The following HBS1L variants were observed in gnomAD, a reference collection of about 807,000 sequenced individuals.
HBS1L encodes the protein HBS1-like protein.
Under a neutral mutation model 88.9 loss-of-function variants are expected in HBS1L, and 55 were observed. The observed-to-expected ratio is 0.62, with a 90% CI of 0.50 to 0.77. The LOEUF (loss-of-function observed/expected upper bound fraction) is 0.77, where lower values mean the gene tolerates loss of function less well. Ranked by LOEUF, HBS1L falls within the 30% of genes least tolerant of loss-of-function variation. The pLI is 0.00. For synonymous variants in HBS1L, 267 were observed against 288.5 expected, an observed-to-expected ratio of 0.93 and a Z score of 0.76; for missense variants, 741 against 829.3, an observed-to-expected ratio of 0.89 and a Z score of 1.31.
At chr6:135,033,571 T>A (rs1420329692) in intron 4 of HBS1L, among the ~76,000 whole-genome samples, 1 of 152,184 alleles carries the variant, frequency 6.6e-6, no homozygotes, top group African/African-American at 2.4e-5. Flanking sequence ...TTTAAGGTAT[T>A]GTTGCCTTCT....
chr6:134,987,515 A>G, intron 9 of HBS1L, 130 bp downstream of exon 9: 1 of 568,676 alleles, frequency 1.8e-6, no homozygotes. Flanking sequence ...AGATGAGAAC[A>G]GAGAATTTAT....
intron 7 of HBS1L, among the ~76,000 whole-genome samples, chr6:134,995,848 C>G (rs1775274352): frequency 6.6e-6 from 1 of 151,934 alleles, no homozygotes; most frequent in East Asian, 1.9e-4. Flanking sequence ...AAAGAGAAAC[C>G]ATTATGATAC....
chr6:134,994,294 G>C (rs139624826), intron 7 of HBS1L, among the ~76,000 whole-genome samples: 3 of 151,938 alleles, frequency 2.0e-5, no homozygotes, highest in Admixed American at 6.6e-5. Context: ...TTATAGAAAT[G>C]AGCTTATAAA....
chr6:134,978,871 A>C, intron 14 of HBS1L, 84 bp from the exon 15 acceptor site: 1 of 813,716 alleles, frequency 1.2e-6, no homozygotes, highest in Non-Finnish European at 2.0e-6. Flanking sequence ...ATTTACAAGG[A>C]AAGTAAAACA....
chr6:135,025,978 C>T (rs759335312), intron 4 of HBS1L, among the ~76,000 whole-genome samples: 7 of 152,104 alleles, frequency 4.6e-5, no homozygotes, highest in African/African-American at 1.4e-4. Context: ...GTGGCAGAAT[C>T]GAGGTAGCTA....
At chr6:135,046,462 TAAAGTTTTATA>T (rs1776915989) in intron 2 of HBS1L, among the ~76,000 whole-genome samples, 2 of 152,170 alleles carry the variant, frequency 1.3e-5, no homozygotes, top group African/African-American at 4.8e-5. Context: ...ACCATTCAAA[TAAAGTTTTATA>T]TGCAAACTCC....
intron 15 of HBS1L, among the ~76,000 whole-genome samples, chr6:134,970,799 A>G (rs147244543): frequency 3.9e-5 from 6 of 152,198 alleles, no homozygotes; most frequent in African/African-American, 1.4e-4. Flanking sequence ...GATACACCCT[A>G]ATCCAAACCA....
At position 134,961,136 on chromosome 6, in the gene HBS1L, T is replaced by C. The variant is rs533684561; in HGVS notation, c.*4143A>G. ...CATTGATATGAATAGTTTCACTAAT[T>C]CCATTCATGGTTACTGTAAACATTC... On this transcript the variant is annotated 3_prime_UTR_variant, in exon 18 of 18. Coordinates refer to ENST00000367837, the MANE Select transcript of HBS1L (RefSeq NM_006620.4). 1.4e-5 allele frequency: 2 copies of C among 147,714 alleles called. No individual in the cohort carries two copies. Among genetic ancestry groups the C allele is most frequent in the South Asian group, 4.4e-4 (2 of 4,536 alleles). The allele number at this position is 147,714 out of a possible 1,614,324, so 9.2% of individuals were successfully genotyped here.
At chr6:134,995,865 T>C (rs1208700328) in intron 7 of HBS1L, among the ~76,000 whole-genome samples, 1 of 152,068 alleles carries the variant, frequency 6.6e-6, no homozygotes. Context: ...ATACAAATTC[T>C]GGTTTATCAG....
rs561144963 is a variant in HBS1L at position 134,963,324 on chromosome 6, C to T, written c.*1955G>A. ...TTCTAGGACTTCTGGAGAAGATATG[C>T]TCTTTTAGTCTGTCCTTGCCCTGGA... On this transcript the variant is annotated 3_prime_UTR_variant, in exon 18 of 18. Coordinates refer to ENST00000367837, the MANE Select transcript of HBS1L (RefSeq NM_006620.4). 6.6e-6 allele frequency: 1 copy of T among 152,284 alleles called. No individual in the cohort carries two copies. Among genetic ancestry groups the T allele is most frequent in the African/African-American group, 2.4e-5 (1 of 41,560 alleles). 9.4% of individuals were successfully genotyped at this position (152,284 alleles called of 1,614,324 possible). A position where few individuals can be genotyped will look rare whatever the true frequency, so the allele number is the denominator to read the frequency against.
At chr6:135,053,320 C>CT (rs1777146481) in intron 1 of HBS1L, among the ~76,000 whole-genome samples, 2 of 152,168 alleles carry the variant, frequency 1.3e-5, no homozygotes, top group Non-Finnish European at 2.9e-5. Flanking sequence ...TAATCTTCTC[C>CT]TTTTAGACCA....
chr6:134,966,506 T>G (rs376047330), intron 16 of HBS1L, 33 bp from the exon 17 acceptor site: 1 of 1,390,226 alleles, frequency 7.2e-7, no homozygotes. Flanking sequence ...AATGAATATA[T>G]GATAGAGGTG....
intron 2 of HBS1L, among the ~76,000 whole-genome samples, chr6:135,047,356 T>C (rs780586647): frequency 3.9e-5 from 6 of 152,202 alleles, no homozygotes. Context: ...TCCACGCTTA[T>C]ACAAAGCCAT....
chr6:135,007,934 C>G (rs777415575), intron 4 of HBS1L, among the ~76,000 whole-genome samples: 19 of 152,276 alleles, frequency 1.2e-4, no homozygotes, highest in Middle Eastern at 3.4e-3. Context: ...TAGCTGTCAC[C>G]TTACGGCTTA....
chr6:134,973,504 A>G (rs1358047965), intron 15 of HBS1L, among the ~76,000 whole-genome samples: 1 of 152,198 alleles, frequency 6.6e-6, no homozygotes, highest in Non-Finnish European at 1.5e-5. Flanking sequence ...ATGTTGAAGA[A>G]GTTCTGCAGA....
intron 4 of HBS1L, among the ~76,000 whole-genome samples, chr6:135,029,869 A>G (rs891879166): frequency 6.6e-6 from 1 of 152,180 alleles, no homozygotes. Context: ...TGATACATAT[A>G]TAAGTGTTAC....
rs946967693 is a variant in HBS1L at position 134,963,810 on chromosome 6, G to A, written c.*1469C>T. The A allele has an allele frequency of 6.6e-6, 1 of 152,008 alleles. No individual in the cohort carries two copies. 9.4% of individuals were successfully genotyped at this position (152,008 alleles called of 1,614,324 possible). On this transcript the variant is annotated 3_prime_UTR_variant, in exon 18 of 18. Coordinates refer to ENST00000367837, the MANE Select transcript of HBS1L (RefSeq NM_006620.4). ...CTTGCTAACATTGTGTGAGCTGCTC[G>A]ATCTAAATGGAATCAAAGCTAGAGC...
At position 134,985,333 on chromosome 6, in the gene HBS1L, G is replaced by A. The variant is rs773200847; in HGVS notation, c.1492+8C>T. On this transcript the variant is annotated splice_region_variant and intron_variant, in intron 12 of 17. Coordinates refer to ENST00000367837, the MANE Select transcript of HBS1L (RefSeq NM_006620.4). ...ATACTGAAGAAGCACTACAAAGGTA[G>A]CACTTACCTTTGAAAACATCGGACA... The A allele has an allele frequency of 6.3e-7, 1 of 1,579,866 alleles. No individual in the cohort carries two copies. The highest frequency in any genetic ancestry group is 8.7e-7 in the Non-Finnish European group (1 of 1,154,374).
chr6:135,027,475 G>T (rs1483046803), intron 4 of HBS1L, among the ~76,000 whole-genome samples: 1 of 151,998 alleles, frequency 6.6e-6, no homozygotes, highest in Non-Finnish European at 1.5e-5. Context: ...TAAAATTGTG[G>T]ATTATCCAGA....
Sources: allele counts gnomAD v4.1 joint callset (sites outside exome capture counted in the v4.1 genomes callset), GRCh38; gene constraint gnomAD v4.1.1; transcripts MANE v1.5; gene names NCBI Gene and HGNC (gene_info 2026-07-23, HGNC 2026-07-21).